The following ARB2A variants were observed in gnomAD, a reference collection of about 807,000 sequenced individuals.
The protein encoded by ARB2A is cotranscriptional regulator ARB2A.
chr5:94,008,053 A>C, the ARB2A span, among the ~76,000 whole-genome samples: 5 of 152,330 alleles, frequency 3.3e-5, no homozygotes, highest in East Asian at 9.6e-4. Context: ...AAGACATTAA[A>C]TATAAGCCTA....
the ARB2A span, among the ~76,000 whole-genome samples, chr5:94,075,395 T>C: frequency 2.0e-5 from 3 of 152,042 alleles, no homozygotes; most frequent in East Asian, 1.9e-4. Flanking sequence ...AAAATCAGGA[T>C]TTATTAAAAT....
the ARB2A span, among the ~76,000 whole-genome samples, chr5:93,906,818 C>T: frequency 2.0e-5 from 3 of 151,324 alleles, no homozygotes; most frequent in African/African-American, 7.3e-5. Context: ...AGCCAGGAAT[C>T]GGAGCAAAAT....
the ARB2A span, among the ~76,000 whole-genome samples, chr5:93,971,973 C>A: frequency 2.0e-5 from 3 of 152,164 alleles, no homozygotes; most frequent in African/African-American, 7.2e-5. Flanking sequence ...GAAGCACCCA[C>A]CAAAGCCTCT....
chr5:93,877,190 T>C, the ARB2A span, among the ~76,000 whole-genome samples: 2 of 152,156 alleles, frequency 1.3e-5, no homozygotes, highest in South Asian at 2.1e-4. Context: ...TTCCCATCAG[T>C]AGAGTCTACA....
At chr5:94,092,833 A>C in the ARB2A span, among the ~76,000 whole-genome samples, 1 of 152,150 alleles carries the variant, frequency 6.6e-6, no homozygotes, top group Non-Finnish European at 1.5e-5. Context: ...ACCTAATTGA[A>C]ACATCCTTTA....
chr5:93,756,058 C>A, the ARB2A span, among the ~76,000 whole-genome samples: 2 of 152,248 alleles, frequency 1.3e-5, no homozygotes, highest in Non-Finnish European at 2.9e-5. Flanking sequence ...GTGAGACCAG[C>A]CCTTCAGTAT....
the ARB2A span, among the ~76,000 whole-genome samples, chr5:94,042,314 CTTTTTTTTTTTT>C: frequency 2.9e-5 from 3 of 103,068 alleles, no homozygotes; most frequent in Admixed American, 1.2e-4. Flanking sequence ...AAAAGATCAG[CTTTTTTTTTTTT>C]TTTTTTTTTT....
At chr5:93,620,480 A>G in the ARB2A span, 1 of 152,308 alleles carries the variant, frequency 6.6e-6, no homozygotes, top group Non-Finnish European at 1.5e-5. Context: ...CCTTAAAAAA[A>G]AAAAAAAAGA....
chr5:93,680,899 A>G, the ARB2A span, among the ~76,000 whole-genome samples: 7 of 152,118 alleles, frequency 4.6e-5, no homozygotes, highest in African/African-American at 1.7e-4. Flanking sequence ...ATTGTTTCTT[A>G]GATAGATTTA....
the ARB2A span, among the ~76,000 whole-genome samples, chr5:93,976,460 G>C: frequency 7.2e-5 from 11 of 152,238 alleles, no homozygotes; most frequent in African/African-American, 2.2e-4. Flanking sequence ...TTGGCTCTCT[G>C]TCCCAAACTT....
chr5:93,761,358 T>G, the ARB2A span, among the ~76,000 whole-genome samples: 1 of 152,298 alleles, frequency 6.6e-6, no homozygotes, highest in African/African-American at 2.4e-5. Flanking sequence ...ACTCTCACCC[T>G]AATACTGTGC....
the ARB2A span, among the ~76,000 whole-genome samples, chr5:93,997,054 T>C: frequency 6.6e-6 from 1 of 152,044 alleles, no homozygotes; most frequent in African/African-American, 2.4e-5. Context: ...CAAATAAATT[T>C]AATAGTTGTT....
the ARB2A span, among the ~76,000 whole-genome samples, chr5:94,016,186 TAAAC>T: frequency 3.3e-5 from 5 of 152,244 alleles, no homozygotes; most frequent in African/African-American, 1.2e-4. Flanking sequence ...TTAAAAGAGA[TAAAC>T]AAAGTCACTA....
chr5:94,076,383 C>A, the ARB2A span, among the ~76,000 whole-genome samples: 1 of 152,224 alleles, frequency 6.6e-6, no homozygotes, highest in East Asian at 1.9e-4. Flanking sequence ...ATAATTTCTA[C>A]ATGAATAAAA....
the ARB2A span, among the ~76,000 whole-genome samples, chr5:93,664,648 T>C: frequency 2.0e-5 from 3 of 148,278 alleles, no homozygotes; most frequent in African/African-American, 7.4e-5. Context: ...TATATATATA[T>C]ATATAATAAT....
chr5:94,025,901 G>A, the ARB2A span, among the ~76,000 whole-genome samples: 18 of 152,290 alleles, frequency 1.2e-4, no homozygotes, highest in Non-Finnish European at 7.4e-5. Flanking sequence ...CACCCAGCCT[G>A]CACTCTGGCA....
At chr5:93,849,285 C>A in the ARB2A span, among the ~76,000 whole-genome samples, 2 of 151,988 alleles carry the variant, frequency 1.3e-5, no homozygotes, top group East Asian at 3.9e-4. Flanking sequence ...GACTGTGTAA[C>A]TTGAAAATTA....
chr5:94,088,941 A>G, the ARB2A span, among the ~76,000 whole-genome samples: 63 of 152,318 alleles, frequency 4.1e-4, no homozygotes, highest in African/African-American at 1.4e-3. Flanking sequence ...ATTATAAAAG[A>G]AAGTTTCCCA....
the ARB2A span, among the ~76,000 whole-genome samples, chr5:93,844,680 T>C: frequency 6.6e-6 from 1 of 151,852 alleles, no homozygotes; most frequent in Non-Finnish European, 1.5e-5. Context: ...AACAGAAGAA[T>C]AAAGAAAATG....
Sources: allele counts gnomAD v4.1 joint callset (sites outside exome capture counted in the v4.1 genomes callset), GRCh38; gene constraint gnomAD v4.1.1; transcripts MANE v1.5; gene names NCBI Gene and HGNC (gene_info 2026-07-23, HGNC 2026-07-21).